Variants in DCAF12 observed in about 807,000 individuals in gnomAD.
The protein encoded by DCAF12 is DDB1 and CUL4 associated factor 12.
DCAF12 carries 28 observed loss-of-function variants against 52.8 expected under a neutral mutation model. The observed-to-expected ratio is 0.53, with a 90% CI of 0.39 to 0.73. DCAF12 has a LOEUF of 0.73. Ranked by LOEUF, DCAF12 falls within the 30% of genes least tolerant of loss-of-function variation. DCAF12 has a pLI of 0.00. For missense variants in DCAF12, 425 were observed against 552.2 expected (o/e 0.77, Z 2.31); for synonymous variants, 196 against 215.5 (o/e 0.91, Z 0.79).
At chr9:34,096,531 G>A (rs1301997214) in intron 6 of DCAF12, among the ~76,000 whole-genome samples, 185 bp downstream of exon 6, 1 of 152,126 alleles carries the variant, frequency 6.6e-6, no homozygotes, top group East Asian at 1.9e-4. Context: ...TTGAACCCAG[G>A]AGGCAGAGGT....
chr9:34,089,110 CAAAAAAAA>C, intron 8 of DCAF12, among the ~76,000 whole-genome samples: 1 of 92,470 alleles, frequency 1.1e-5, no homozygotes, highest in African/African-American at 3.9e-5. Flanking sequence ...GACCCTGTCT[CAAAAAAAA>C]AAAAAAAAAA....
chr9:34,093,672 G>A (rs917561669), intron 6 of DCAF12: 1 of 486,728 alleles, frequency 2.1e-6, no homozygotes, highest in East Asian at 3.6e-5. Flanking sequence ...ATAGGTTGGG[G>A]AAAAGGTAAA....
At chr9:34,119,464 T>C (rs1829138483) in intron 2 of DCAF12, among the ~76,000 whole-genome samples, 1 of 152,222 alleles carries the variant, frequency 6.6e-6, no homozygotes, top group African/African-American at 2.4e-5. Flanking sequence ...TCATTAAACG[T>C]ACTGAATTCT....
intron 6 of DCAF12, among the ~76,000 whole-genome samples, chr9:34,095,284 A>G (rs1828717687): frequency 6.6e-6 from 1 of 151,312 alleles, no homozygotes; most frequent in Admixed American, 6.6e-5. Flanking sequence ...CATGTTGGCC[A>G]GCATGGTCTC....
At chr9:34,117,979 T>C (rs1829112939) in intron 2 of DCAF12, among the ~76,000 whole-genome samples, 1 of 152,168 alleles carries the variant, frequency 6.6e-6, no homozygotes, top group South Asian at 2.1e-4. Context: ...TTAGTATTGC[T>C]TTTATATGTT....
At chr9:34,102,746 T>C (rs1413746041) in intron 4 of DCAF12, among the ~76,000 whole-genome samples, 1 of 151,938 alleles carries the variant, frequency 6.6e-6, no homozygotes, top group Non-Finnish European at 1.5e-5. Context: ...AATGGTATCT[T>C]TCTAGAGGAC....
In DCAF12 at chr9:34,088,208, A is replaced by G; in HGVS notation, c.*142T>C. Reference sequence around the variant, plus strand: ...AGATTTCTGTACAGAGCTTCTTCCTATTAAGTGCCTAAACTATAGGCAAAC... The same window carrying G: ...AGATTTCTGTACAGAGCTTCTTCCTGTTAAGTGCCTAAACTATAGGCAAAC... On this transcript the variant is annotated 3_prime_UTR_variant, in exon 9 of 9. Coordinates refer to ENST00000361264, the MANE Select transcript of DCAF12 (RefSeq NM_015397.4). The G allele has an allele frequency of 1.2e-6, 1 of 844,082 alleles. No individual in the cohort carries two copies. The highest frequency in any genetic ancestry group is 1.7e-6 in the Non-Finnish European group (1 of 571,998). 52.3% of individuals were successfully genotyped at this position (844,082 alleles called of 1,614,324 possible).
At chr9:34,121,037 C>T (rs527803659) in intron 2 of DCAF12, among the ~76,000 whole-genome samples, 1 of 152,202 alleles carries the variant, frequency 6.6e-6, no homozygotes, top group East Asian at 1.9e-4. Flanking sequence ...GCCCGTACTC[C>T]CAGCCACTCG....
At chr9:34,097,473 G>T (rs983120707) in intron 5 of DCAF12, among the ~76,000 whole-genome samples, 3 of 151,904 alleles carry the variant, frequency 2.0e-5, no homozygotes, top group Admixed American at 6.6e-5. Context: ...GCCCAGGCTA[G>T]TCTCAAACTC....
intron 2 of DCAF12, among the ~76,000 whole-genome samples, chr9:34,114,831 G>C (rs1415589065): frequency 1.3e-5 from 2 of 152,106 alleles, no homozygotes; most frequent in African/African-American, 4.8e-5. Flanking sequence ...GTCAGATGTG[G>C]TAGCAGGAAC....
At chr9:34,107,208 G>C (rs1333824221) in intron 3 of DCAF12, 151 bp downstream of exon 3, 14 of 705,690 alleles carry the variant, frequency 2.0e-5, no homozygotes, top group Non-Finnish European at 3.5e-5. Flanking sequence ...TGGCCCCTGA[G>C]GTGTGCTGCT....
intron 2 of DCAF12, chr9:34,109,041 G>T (rs1294050585): frequency 1.3e-5 from 2 of 149,316 alleles, no homozygotes; most frequent in Non-Finnish European, 3.0e-5. Flanking sequence ...GGTTTCATTG[G>T]AGTGTCTTTA....
intron 7 of DCAF12, among the ~76,000 whole-genome samples, chr9:34,091,267 C>T (rs901081210): frequency 6.6e-6 from 1 of 151,862 alleles, no homozygotes; most frequent in Non-Finnish European, 1.5e-5. Flanking sequence ...GCAGAGGGTG[C>T]AGTGAGCTGA....
intron 4 of DCAF12, among the ~76,000 whole-genome samples, chr9:34,099,828 A>G (rs954251472): frequency 6.6e-5 from 10 of 151,826 alleles, no homozygotes; most frequent in African/African-American, 1.9e-4. Flanking sequence ...TCCTGACCTC[A>G]TGATCCACCC....
At chr9:34,088,609 G>C (rs527690040) in intron 8 of DCAF12, 101 bp from the exon 9 acceptor site, 2 of 1,312,812 alleles carry the variant, frequency 1.5e-6, no homozygotes, top group East Asian at 4.6e-5. Flanking sequence ...TAAGGGAACA[G>C]GGTTCTACAG....
Position 34,125,213 on chromosome 9 carries a change from T to C in DCAF12, c.143A>G (p.Tyr48Cys). 1 of 1,614,232 alleles carries C rather than the reference T, an allele frequency of 6.2e-7. No homozygotes were observed. Among genetic ancestry groups the C allele is most frequent in the Non-Finnish European group, 8.5e-7 (1 of 1,180,050 alleles). Residue 48 changes from tyrosine (Y) to cysteine (C), a missense_variant, in exon 2 of 9, where the codon TAC becomes TGC. Tyr to Cys is a radical substitution (Grantham distance 194, BLOSUM62 -2). Around this residue, in one of 3 missense-constraint regions of DCAF12, gnomAD observed 89 missense variants for 84.9 expected, o/e 1.05. Coordinates refer to ENST00000361264, the MANE Select transcript of DCAF12 (RefSeq NM_015397.4). Reference sequence around the variant, plus strand: ...CCTGACTTCCCGGTTCTTCAAGTAGTATACTAAGGATCTCTTCACAGGAGG... The same window carrying C: ...CCTGACTTCCCGGTTCTTCAAGTAGCATACTAAGGATCTCTTCACAGGAGG... Reference protein sequence around the residue: ...RLPPVKRSLVYYLKNREVRLQ... With the variant: ...RLPPVKRSLVCYLKNREVRLQ...
chr9:34,099,678 C>CCA (rs1828796148), intron 4 of DCAF12, among the ~76,000 whole-genome samples: 1 of 151,948 alleles, frequency 6.6e-6, no homozygotes, highest in African/African-American at 2.4e-5. Context: ...ACTGCAACCA[C>CCA]CACCTCCCGG....
intron 2 of DCAF12, among the ~76,000 whole-genome samples, chr9:34,114,837 G>A (rs1189013481): frequency 1.3e-5 from 2 of 152,078 alleles, no homozygotes. Context: ...TGTGGTAGCA[G>A]GAACCTATCG....
chr9:34,110,783 C>CAACAA (rs55812352), intron 2 of DCAF12, among the ~76,000 whole-genome samples: 35,640 of 150,040 alleles, frequency 0.24, 4,605 homozygotes, highest in African/African-American at 0.31. Context: ...GACCCTGCCT[C>CAACAA]AACAAAACAA....
Sources: allele counts gnomAD v4.1 joint callset (sites outside exome capture counted in the v4.1 genomes callset), GRCh38; gene constraint gnomAD v4.1.1; regional missense constraint gnomAD v4.1.1; transcripts MANE v1.5; gene names NCBI Gene and HGNC (gene_info 2026-07-23, HGNC 2026-07-21).